Variants in WDR35 observed in about 807,000 individuals in gnomAD.
The protein encoded by WDR35 is WD repeat-containing protein 35.
A neutral mutation model predicts 158.3 loss-of-function variants in WDR35; 118 were observed. The ratio of observed to expected loss-of-function variants is 0.75; its 90% CI spans 0.64 to 0.87. The LOEUF (loss-of-function observed/expected upper bound fraction) is 0.87. WDR35 is among the 40% of genes least tolerant of loss of function. WDR35 has a pLI of 0.00. For synonymous variants in WDR35, 448 were observed against 476.1 expected, an observed-to-expected ratio of 0.94 and a Z score of 0.77; for missense variants, 1,263 against 1,405.8, an observed-to-expected ratio of 0.90 and a Z score of 1.62.
rs1184261488 is a variant in WDR35 at position 19,948,080 on chromosome 2, G to C, written c.1524+84C>G. 2.7e-6 allele frequency: 3 copies of C among 1,118,772 alleles called. No homozygotes were observed. The East Asian group carries it at 7.9e-5, about 30-fold the overall frequency. 69.3% of individuals were successfully genotyped at this position (1,118,772 alleles called of 1,614,324 possible). On this transcript the variant is annotated intron_variant, in intron 14 of 26. Coordinates refer to ENST00000281405, the MANE Select transcript of WDR35 (RefSeq NM_020779.4). ...AGCTTCCCAAGTAACTGTGATTACA[G>C]ACATGGGGCACACACCTGGCTCCTA... is the stretch of plus-strand genomic sequence containing the variant.
Position 19,911,560 on chromosome 2 carries a change from G to T in WDR35, c.*1998C>A, listed in dbSNP as rs1272527200. ...TGTTAGGATGTGATTTTCTGATTTG[G>T]GGAAATTTCCCATTCTGGTATAGAA... is the stretch of plus-strand genomic sequence containing the variant. On this transcript the variant is annotated 3_prime_UTR_variant, in exon 27 of 27. Transcript: ENST00000281405. The T allele has an allele frequency of 6.6e-6, 1 of 152,148 alleles. No individual in the cohort carries two copies. Among genetic ancestry groups the T allele is most frequent in the Non-Finnish European group, 1.5e-5 (1 of 68,040 alleles). 9.4% of individuals were successfully genotyped at this position (152,148 alleles called of 1,614,324 possible). A position where few individuals can be genotyped will look rare whatever the true frequency, so the allele number is the denominator to read the frequency against.
At chr2:19,951,314 C>G (rs184343763) in intron 13 of WDR35, 101 bp downstream of exon 13, 258 of 1,025,938 alleles carry the variant, frequency 2.5e-4, no homozygotes, top group Non-Finnish European at 3.1e-4. Context: ...AAATAATATC[C>G]TATTCACTGG....
intron 11 of WDR35, among the ~76,000 whole-genome samples, chr2:19,958,384 ACCATTT>A (rs140576934): frequency 0.048 from 7,318 of 152,264 alleles, 194 homozygotes; most frequent in Non-Finnish European, 0.073. Context: ...TGCACCAATA[ACCATTT>A]ACCTGGCACC....
chr2:19,963,830 G>A (rs1045580640), intron 10 of WDR35, among the ~76,000 whole-genome samples: 3 of 151,996 alleles, frequency 2.0e-5, no homozygotes, highest in Non-Finnish European at 4.4e-5. Context: ...TGCAGCCTCT[G>A]CCTTCAGGGT....
At position 19,932,415 on chromosome 2, in the gene WDR35, A is replaced by G. The variant is rs1192258496; in HGVS notation, c.2691T>C (p.His897=). Residue 897 remains histidine, a synonymous_variant, in exon 23 of 27, where the codon CAT becomes CAC. Coordinates refer to ENST00000281405, the MANE Select transcript of WDR35 (RefSeq NM_020779.4). The part of the protein sequence containing the change: ...WNKAVELAKN[H]SMKEIGSLLA... ...ACAGAGATCCAATTTCTTTCATACT[A>G]TGATTTTTAGCCAATTCAACAGCTT... The G allele has an allele frequency of 3.1e-6, 5 of 1,613,314 alleles. No homozygotes were observed. The Admixed American group carries it at 5.0e-5, about 16-fold the overall frequency.
chr2:19,973,796 T>G (rs865976489), intron 7 of WDR35, 88 bp from the exon 8 acceptor site: 1 of 1,525,174 alleles, frequency 6.6e-7, no homozygotes, highest in Middle Eastern at 2.2e-4. Context: ...TTAAACATTT[T>G]TAAAACTTTC....
intron 2 of WDR35, among the ~76,000 whole-genome samples, chr2:19,984,461 T>A (rs1261927089): frequency 6.6e-6 from 1 of 152,162 alleles, no homozygotes; most frequent in Non-Finnish European, 1.5e-5. Flanking sequence ...AATCTGGTAA[T>A]ACTGACATAA....
Position 19,914,680 on chromosome 2 carries a change from T to TA in WDR35, c.3122-404dup, listed in dbSNP as rs540679346. ...AAGATAATACCATGTTTCCTTTTGT[T>TA]AAAAAAAAAGCAAAACAATATAAGC... On this transcript the variant is annotated intron_variant, in intron 25 of 26. Coordinates refer to ENST00000281405, the MANE Select transcript of WDR35 (RefSeq NM_020779.4). 1.2e-3 allele frequency among the ~76,000 whole-genome samples: 182 copies of TA among 151,380 alleles called. 2 individuals carry two copies. In the South Asian group the frequency reaches 0.023, roughly 19 times the overall value.
At chr2:19,964,672 T>C (rs1671790676) in intron 10 of WDR35, among the ~76,000 whole-genome samples, 1 of 152,068 alleles carries the variant, frequency 6.6e-6, no homozygotes, top group Admixed American at 6.5e-5. Flanking sequence ...TTTTTAGAAA[T>C]ATTATTGAAA....
intron 25 of WDR35, among the ~76,000 whole-genome samples, chr2:19,927,777 G>A (rs1468738900): frequency 2.0e-5 from 3 of 152,194 alleles, no homozygotes; most frequent in Non-Finnish European, 4.4e-5. Flanking sequence ...GCCAAGAACT[G>A]GAGTGCTTAA....
Position 19,973,450 on chromosome 2 carries a change from G to A in WDR35, c.882+113C>T, listed in dbSNP as rs77041639. 2,064 of 1,256,758 alleles carry A rather than the reference G, an allele frequency of 1.6e-3. 25 individuals carry two copies. In the African/African-American group the frequency reaches 0.028, roughly 17 times the overall value. 77.9% of individuals were successfully genotyped at this position (1,256,758 alleles called of 1,614,324 possible). ...AAGATTTATACTATGAAGATGAAATGTCCCTAAAAGAAAATGTGATAAGTT... is the reference window on the plus strand; with the variant it reads ...AAGATTTATACTATGAAGATGAAATATCCCTAAAAGAAAATGTGATAAGTT... On this transcript the variant is annotated intron_variant, in intron 8 of 26. Coordinates refer to ENST00000281405, the MANE Select transcript of WDR35 (RefSeq NM_020779.4).
intron 11 of WDR35, among the ~76,000 whole-genome samples, chr2:19,955,715 G>A (rs545488292): frequency 7.2e-4 from 109 of 152,164 alleles, no homozygotes; most frequent in Middle Eastern, 3.4e-3. Flanking sequence ...AAGACATAAC[G>A]TTACTAGGAG....
chr2:19,951,156 G>A (rs753949738), intron 13 of WDR35, among the ~76,000 whole-genome samples: 12 of 152,086 alleles, frequency 7.9e-5, no homozygotes, highest in Non-Finnish European at 1.5e-4. Flanking sequence ...AGGAGAGGAG[G>A]AGTTATGTTT....
intron 14 of WDR35, 73 bp downstream of exon 14, chr2:19,948,091 C>A: frequency 7.9e-7 from 1 of 1,269,016 alleles, no homozygotes; most frequent in South Asian, 1.4e-5. Flanking sequence ...ACATGGGGCA[C>A]ACACCTGGCT....
chr2:19,951,557 G>A (rs999045925), intron 12 of WDR35, 73 bp from the exon 13 acceptor site: 23 of 1,192,124 alleles, frequency 1.9e-5, no homozygotes, highest in Middle Eastern at 2.0e-4. Context: ...TAGAATAAAC[G>A]ATTGGACAAC....
At position 19,933,437 on chromosome 2, in the gene WDR35, T is replaced by A. The variant is rs766138190; in HGVS notation, c.2622A>T (p.Pro874=). ...GTACGCAGGTATCTACTGCTGCCTT[T>A]GGTTGACTACATTTCAAAAATGCAG... ...AVTAFLKCSQ[P]KAAVDTCVHL... The change falls in exon 22 of 27, where the codon CCA becomes CCT. Residue 874 remains proline, a synonymous_variant. Transcript: ENST00000281405. The A allele has an allele frequency of 9.5e-5, 153 of 1,614,064 alleles. 2 individuals are homozygous for A. In the South Asian group the frequency reaches 1.3e-3, roughly 13 times the overall value.
chr2:19,928,650 A>C (rs766730406), intron 25 of WDR35, among the ~76,000 whole-genome samples: 3 of 152,212 alleles, frequency 2.0e-5, no homozygotes, highest in Non-Finnish European at 4.4e-5. Context: ...GAAAAATATG[A>C]AGTAAAAGAC....
At chr2:19,962,177 C>T (rs1671685364) in intron 10 of WDR35, 1 of 1,048,948 alleles carries the variant, frequency 9.5e-7, no homozygotes, top group Non-Finnish European at 1.4e-6. Context: ...CTGTTAATTC[C>T]ATTTTTCCAT....
chr2:19,928,418 T>A (rs1444323766), intron 25 of WDR35, among the ~76,000 whole-genome samples: 2 of 152,246 alleles, frequency 1.3e-5, no homozygotes, highest in Non-Finnish European at 2.9e-5. Flanking sequence ...AGACCCCTGA[T>A]TTCCCACTTC....
Sources: allele counts gnomAD v4.1 joint callset (sites outside exome capture counted in the v4.1 genomes callset), GRCh38; gene constraint gnomAD v4.1.1; transcripts MANE v1.5; gene names NCBI Gene and HGNC (gene_info 2026-07-23, HGNC 2026-07-21).